Variants in ZEB2 observed in about 807,000 individuals in gnomAD.
The protein encoded by ZEB2 is zinc finger E-box-binding homeobox 2.
ZEB2 carries 6 observed loss-of-function variants against 99.9 expected under a neutral mutation model. The observed-to-expected ratio is 0.06, with a 90% CI of 0.03 to 0.12. The LOEUF (loss-of-function observed/expected upper bound fraction) is 0.12. ZEB2 is among the 10% of genes least tolerant of loss of function. ZEB2 has a pLI of 1.00. For missense variants in ZEB2, 969 were observed against 1,502.8 expected, an observed-to-expected ratio of 0.64 and a Z score of 5.87; for synonymous variants, 517 against 542.5, an observed-to-expected ratio of 0.95 and a Z score of 0.65.
chr2:144,477,981 T>C (rs930057594), intron 2 of ZEB2, among the ~76,000 whole-genome samples: 21 of 152,146 alleles, frequency 1.4e-4, no homozygotes, highest in Admixed American at 4.6e-4. Flanking sequence ...GGAACATTCT[T>C]AGGTAGAGAC....
rs201944188 is a variant in ZEB2 at position 144,440,515 on chromosome 2, A to AT, written c.74-10490dup. 3.4e-3 allele frequency among the ~76,000 whole-genome samples: 112 copies of AT among 32,814 alleles called. 2 individuals carry two copies. Among genetic ancestry groups the AT allele is most frequent in the African/African-American group, 8.2e-3 (104 of 12,652 alleles). The allele number at this position is 32,814 out of a possible 152,430, so 21.5% of individuals were successfully genotyped here. A position where few individuals can be genotyped will look rare whatever the true frequency, so the allele number is the denominator to read the frequency against. On this transcript the variant is annotated intron_variant, in intron 2 of 9. Coordinates refer to ENST00000627532, the MANE Select transcript of ZEB2 (RefSeq NM_014795.4). The stretch of plus-strand genomic sequence containing the variant: ...TATATATATATATATATATATATAT[A>AT]TTTTTTTTTTTTTTTTTTTTTTTTT...
At chr2:144,517,182 G>GCCGCCGCCT (rs1213718138) in intron 2 of ZEB2, 96 bp downstream of exon 2, 1 of 1,550,402 alleles carries the variant, frequency 6.4e-7, no homozygotes, top group African/African-American at 1.4e-5. Context: ...CGCCGCCGCC[G>GCCGCCGCCT]CCGCCGCCTC....
chr2:144,444,882 G>C (rs1313503420), intron 2 of ZEB2: 3 of 152,174 alleles, frequency 2.0e-5, no homozygotes, highest in Admixed American at 6.5e-5. Context: ...TTGATACAAA[G>C]GTAGCTCTCT....
At chr2:144,496,057 CACA>C (rs1704753719) in intron 2 of ZEB2, 1 of 152,244 alleles carries the variant, frequency 6.6e-6, no homozygotes, top group Non-Finnish European at 1.5e-5. Flanking sequence ...TGAATAAAAG[CACA>C]ACAATTTGTC....
intron 2 of ZEB2, among the ~76,000 whole-genome samples, chr2:144,476,114 T>C (rs1704426405): frequency 6.6e-6 from 1 of 152,356 alleles, no homozygotes; most frequent in East Asian, 1.9e-4. Context: ...TCCTGTGTAC[T>C]AATATTTTAC....
rs4008310 is a variant in ZEB2 at position 144,411,057 on chromosome 2, CTATATATATATATATATATATA to C, written c.404-6055_404-6034del. 4.9e-4 allele frequency among the ~76,000 whole-genome samples: 20 copies of C among 40,754 alleles called. 1 individual carries two copies. The highest frequency in any genetic ancestry group is 1.1e-3 in the Admixed American group (3 of 2,758). The allele number at this position is 40,754 out of a possible 152,430, so 26.7% of individuals were successfully genotyped here. A position where few individuals can be genotyped will look rare whatever the true frequency, so the allele number is the denominator to read the frequency against. ...GTGATTCTGCAATATACAGACATGTCTATATATATATATATATATATATATATATATATATATATATATGTAT... is the reference window on the plus strand; with the variant it reads ...GTGATTCTGCAATATACAGACATGTCTATATATATATATATATATATGTAT... On this transcript the variant is annotated intron_variant, in intron 4 of 9. Transcript: ENST00000627532.
At chr2:144,466,360 T>A (rs1413576553) in intron 2 of ZEB2, among the ~76,000 whole-genome samples, 1 of 152,200 alleles carries the variant, frequency 6.6e-6, no homozygotes, top group Non-Finnish European at 1.5e-5. Context: ...ATGAGAATCA[T>A]GATGGAGTCC....
intron 2 of ZEB2, among the ~76,000 whole-genome samples, chr2:144,434,246 C>G (rs766990142): frequency 8.5e-5 from 13 of 152,172 alleles, no homozygotes; most frequent in Non-Finnish European, 1.5e-4. Context: ...TATAACTCTA[C>G]TCAAGCGTGC....
intron 2 of ZEB2, chr2:144,461,803 T>C (rs1704198070): frequency 6.6e-6 from 1 of 152,010 alleles, no homozygotes; most frequent in African/African-American, 2.4e-5. Flanking sequence ...CAACTAGTTA[T>C]AATCAGAGTG....
rs528322386 is a variant in ZEB2, at chr2:144,396,987, C to T, written c.2887-395G>A. Among the ~76,000 whole-genome samples, 90 of 152,044 alleles carry T rather than the reference C, an allele frequency of 5.9e-4. No individual in the cohort carries two copies. In the Middle Eastern group the frequency reaches 0.01, roughly 17 times the overall value. On this transcript the variant is annotated intron_variant, in intron 8 of 9. Transcript: ENST00000627532. ...GAAATGATCTGTAGCTGTAGAAACCCGATTTTAATTGAATTTTATATTTAG... is the reference window on the plus strand; with the variant it reads ...GAAATGATCTGTAGCTGTAGAAACCTGATTTTAATTGAATTTTATATTTAG...
At chr2:144,458,413 A>G (rs766839325) in intron 2 of ZEB2, among the ~76,000 whole-genome samples, 1 of 152,088 alleles carries the variant, frequency 6.6e-6, no homozygotes, top group Non-Finnish European at 1.5e-5. Flanking sequence ...TCCTAAGAAT[A>G]CATTGAGAGA....
At chr2:144,515,806 A>T (rs1030655596) in intron 2 of ZEB2, 2 of 151,104 alleles carry the variant, frequency 1.3e-5, no homozygotes, top group African/African-American at 4.9e-5. Flanking sequence ...CTAGAGAGAG[A>T]GAGAGAGAGA....
Position 144,429,799 on chromosome 2 carries a change from C to T in ZEB2, c.301G>A (p.Glu101Lys), listed in dbSNP as rs1703743874. The part of the protein sequence containing the change: ...GGVEHPWHNN[E>K]ILQASVDGPE... ...CCATCTACAGAGGCTTGTAGAATCT[C>T]GTTGTTGTGCCAGGGGTGTTCCACT... is the stretch of plus-strand genomic sequence containing the variant. The change falls in exon 3 of 10, where the codon GAG (glutamate) becomes AAG (lysine). Residue 101 changes from glutamate to lysine, a missense_variant. Physicochemically the swap from Glu to Lys is moderately conservative, Grantham distance 56. Coordinates refer to ENST00000627532, the MANE Select transcript of ZEB2 (RefSeq NM_014795.4). 4 of 1,613,834 alleles carry T rather than the reference C, an allele frequency of 2.5e-6. No individual in the cohort carries two copies. Among genetic ancestry groups the T allele is most frequent in the Non-Finnish European group, 3.4e-6 (4 of 1,179,834 alleles).
chr2:144,456,893 G>A (rs1704128017), intron 2 of ZEB2, among the ~76,000 whole-genome samples: 2 of 152,096 alleles, frequency 1.3e-5, no homozygotes, highest in African/African-American at 4.8e-5. Context: ...AGAACCTGCT[G>A]TAGTTAGAAA....
chr2:144,433,347 A>G (rs1703797995), intron 2 of ZEB2, among the ~76,000 whole-genome samples: 1 of 152,214 alleles, frequency 6.6e-6, no homozygotes, highest in Non-Finnish European at 1.5e-5. Context: ...AAATGCACCT[A>G]TAATTATATA....
chr2:144,497,335 G>T (rs775262417), intron 2 of ZEB2, among the ~76,000 whole-genome samples: 1 of 152,048 alleles, frequency 6.6e-6, no homozygotes, highest in Admixed American at 6.6e-5. Flanking sequence ...CTCCTCAGGG[G>T]CCCAGGCTCT....
intron 2 of ZEB2, among the ~76,000 whole-genome samples, chr2:144,483,188 C>T (rs1034851596): frequency 6.9e-6 from 1 of 143,918 alleles, no homozygotes; most frequent in Non-Finnish European, 1.5e-5. Context: ...TGGAAGCATA[C>T]TGATGGCATG....
intron 4 of ZEB2, among the ~76,000 whole-genome samples, chr2:144,417,403 G>T (rs1048809501): frequency 6.6e-6 from 1 of 151,976 alleles, no homozygotes; most frequent in African/African-American, 2.4e-5. Context: ...TTTGTTTATT[G>T]GTTGTTATCC....
intron 2 of ZEB2, among the ~76,000 whole-genome samples, chr2:144,483,163 C>CACACACAT (rs1704543155): frequency 1.5e-5 from 2 of 129,076 alleles, no homozygotes; most frequent in Admixed American, 1.7e-4. Flanking sequence ...CACACACACA[C>CACACACAT]ATACCCTAAG....
Sources: gnomAD v4.1 joint callset for allele counts (sites outside exome capture counted in the v4.1 genomes callset) on GRCh38, gnomAD v4.1.1 for gene constraint, MANE v1.5 for transcripts, NCBI Gene and HGNC (gene_info 2026-07-23, HGNC 2026-07-21) for gene names.